Variants in LARGE1 observed in about 807,000 individuals in gnomAD.
LARGE1 encodes the protein LARGE xylosyl- and glucuronyltransferase 1.
A neutral mutation model predicts 87.6 loss-of-function variants in LARGE1; 43 were observed. That is an observed-to-expected ratio of 0.49 (90% CI 0.38 to 0.63). The LOEUF is 0.63. Ranked by LOEUF, LARGE1 falls within the 30% of genes least tolerant of loss-of-function variation. The pLI, the probability that LARGE1 is intolerant of heterozygous loss-of-function variation, is 0.00. For missense variants in LARGE1, 802 were observed against 1,000.2 expected, an observed-to-expected ratio of 0.80 and a Z score of 2.67; for synonymous variants, 434 against 394.6, an observed-to-expected ratio of 1.10 and a Z score of -1.18.
chr22:33,261,707 G>A (rs1482235750), intron 11 of LARGE1, among the ~76,000 whole-genome samples: 3 of 152,190 alleles, frequency 2.0e-5, no homozygotes, highest in African/African-American at 7.2e-5. Flanking sequence ...GTGGGGAGGT[G>A]TGAAGAAAAT....
Position 33,203,066 on chromosome 22 carries a change from A to ACTCT in LARGE1, c.1731-36238_1731-36235dup, listed in dbSNP as rs35446457. On this transcript the variant is annotated intron_variant, in intron 11 of 11. Transcript: ENST00000608642. ...TAGAACCTAGAAAAATAGAATCTAA[A>ACTCT]CTCTCTCTCTCTCTCTCTCTCTCTC... 2.8e-4 allele frequency among the ~76,000 whole-genome samples: 39 copies of ACTCT among 139,478 alleles called. No individual in the cohort carries two copies. In the South Asian group the frequency reaches 3.3e-3, roughly 12 times the overall value. 91.5% of individuals were successfully genotyped at this position (139,478 alleles called of 152,430 possible). A position where few individuals can be genotyped will look rare whatever the true frequency, so the allele number is the denominator to read the frequency against.
At chr22:33,429,794 A>C (rs1331043709) in intron 7 of LARGE1, among the ~76,000 whole-genome samples, 2 of 152,080 alleles carry the variant, frequency 1.3e-5, no homozygotes, top group African/African-American at 4.8e-5. Context: ...TCCAGGCACA[A>C]AAGATCAACA....
intron 7 of LARGE1, among the ~76,000 whole-genome samples, chr22:33,425,794 A>G (rs1037440387): frequency 6.6e-6 from 1 of 152,158 alleles, no homozygotes; most frequent in African/African-American, 2.4e-5. Flanking sequence ...CACAGTATGC[A>G]GGCACGATCT....
intron 2 of LARGE1, among the ~76,000 whole-genome samples, chr22:33,755,694 C>G (rs2084485954): frequency 6.6e-6 from 1 of 152,192 alleles, no homozygotes; most frequent in Admixed American, 6.5e-5. Flanking sequence ...TCAAAAATCA[C>G]AGATGCTCAC....
chr22:33,909,442 T>C (rs1388432422), intron 1 of LARGE1, among the ~76,000 whole-genome samples: 1 of 151,814 alleles, frequency 6.6e-6, no homozygotes, highest in Non-Finnish European at 1.5e-5. Flanking sequence ...CCAGGGCCTT[T>C]AGCACACCAC....
chr22:33,786,974 T>G (rs946431792), intron 1 of LARGE1, among the ~76,000 whole-genome samples: 2 of 150,724 alleles, frequency 1.3e-5, no homozygotes, highest in Admixed American at 6.6e-5. Flanking sequence ...TGAGGCGAAA[T>G]TGTGCCACTG....
chr22:33,345,757 C>A (rs1453446216), intron 9 of LARGE1, among the ~76,000 whole-genome samples: 1 of 152,190 alleles, frequency 6.6e-6, no homozygotes, highest in Non-Finnish European at 1.5e-5. Flanking sequence ...TATCACCCAT[C>A]AAGGGCACAG....
intron 2 of LARGE1, among the ~76,000 whole-genome samples, chr22:33,738,877 C>A (rs899125288): frequency 6.6e-6 from 1 of 151,198 alleles, no homozygotes; most frequent in Non-Finnish European, 1.5e-5. Context: ...ACCATGCTTC[C>A]CAGTTTCCAT....
At chr22:33,443,627 G>C (rs2067575813) in intron 6 of LARGE1, among the ~76,000 whole-genome samples, 1 of 152,116 alleles carries the variant, frequency 6.6e-6, no homozygotes, top group African/African-American at 2.4e-5. Context: ...TCCAATAAAG[G>C]TCCAGATAAT....
chr22:33,077,796 C>T, the LARGE1 span, among the ~76,000 whole-genome samples: 3,346 of 152,218 alleles, frequency 0.022, 122 homozygotes, highest in African/African-American at 0.076. Context: ...ATAATTCTGA[C>T]GGTGCAGTTT....
At chr22:33,075,540 G>C in the LARGE1 span, among the ~76,000 whole-genome samples, 1 of 152,164 alleles carries the variant, frequency 6.6e-6, no homozygotes, top group African/African-American at 2.4e-5. Flanking sequence ...TCATTGTATA[G>C]ATAAGGGGAC....
chr22:33,134,495 G>T, the LARGE1 span, among the ~76,000 whole-genome samples: 2 of 152,170 alleles, frequency 1.3e-5, no homozygotes, highest in African/African-American at 4.8e-5. Flanking sequence ...CTGAGCTTGT[G>T]ATCCGCCCGC....
At chr22:33,451,311 G>A (rs1362969651) in intron 6 of LARGE1, among the ~76,000 whole-genome samples, 13 of 151,962 alleles carry the variant, frequency 8.6e-5, no homozygotes, top group Admixed American at 8.5e-4. Context: ...ATGCGCGTAG[G>A]TGACCACCAA....
rs764607161 is a variant in LARGE1, at chr22:33,857,604, G to A, written c.-83+62391C>T. On this transcript the variant is annotated intron_variant, in intron 1 of 14. Coordinates refer to ENST00000397394, the MANE Select transcript of LARGE1 (RefSeq NM_133642.5). ...CTATTTTAAATAGAAAATGATAATC[G>A]AGTGCATCAGAGAGAATCTCTAGCC... 9.2e-5 allele frequency among the ~76,000 whole-genome samples: 14 copies of A among 152,162 alleles called. No individual in the cohort carries two copies. The South Asian group carries it at 1.5e-3, about 16-fold the overall frequency.
intron 11 of LARGE1, among the ~76,000 whole-genome samples, chr22:33,238,857 A>T (rs1926374436): frequency 6.6e-6 from 1 of 152,208 alleles, no homozygotes; most frequent in Non-Finnish European, 1.5e-5. Flanking sequence ...CCTTAAATTC[A>T]TATATTGAGA....
At chr22:33,869,790 C>T (rs1029830172) in intron 1 of LARGE1, among the ~76,000 whole-genome samples, 5 of 152,090 alleles carry the variant, frequency 3.3e-5, no homozygotes, top group Admixed American at 6.6e-5. Context: ...TGCCACATCA[C>T]GGTGAAAAGA....
chr22:33,756,281 C>G (rs755352897), intron 2 of LARGE1, among the ~76,000 whole-genome samples: 2 of 152,150 alleles, frequency 1.3e-5, no homozygotes, highest in Non-Finnish European at 2.9e-5. Context: ...CAAATCTTCT[C>G]CCGGCACTAC....
intron 11 of LARGE1, among the ~76,000 whole-genome samples, chr22:33,251,104 T>A (rs1429234311): frequency 6.6e-6 from 1 of 152,182 alleles, no homozygotes. Flanking sequence ...TGGTAGTCAA[T>A]CTTATCTCTT....
the LARGE1 span, among the ~76,000 whole-genome samples, chr22:33,081,118 TC>T: frequency 6.6e-6 from 1 of 152,190 alleles, no homozygotes; most frequent in Non-Finnish European, 1.5e-5. Flanking sequence ...AATCACTCTC[TC>T]TTTGCCATGT....
Sources: gnomAD v4.1 joint callset for allele counts (sites outside exome capture counted in the v4.1 genomes callset) on GRCh38, gnomAD v4.1.1 for gene constraint, MANE v1.5 for transcripts, NCBI Gene and HGNC (gene_info 2026-07-23, HGNC 2026-07-21) for gene names.